The following NREP variants were observed in gnomAD, a reference collection of about 807,000 sequenced individuals.
NREP encodes neuronal regeneration related protein.
In NREP, 5 loss-of-function variants were observed where a neutral mutation model predicts 8.6. The ratio of observed to expected loss-of-function variants is 0.58; its 90% CI spans 0.30 to 1.22. The LOEUF is 1.22. NREP is among the 50% of genes most tolerant of loss of function. The pLI is 0.07. For missense variants in NREP, 86 were observed against 82.5 expected (o/e 1.04, Z -0.17); for synonymous variants, 27 against 28.0 (o/e 0.96, Z 0.11).
intron 2 of NREP, among the ~76,000 whole-genome samples, chr5:111,970,757 C>T (rs1028032107): frequency 1.6e-5 from 2 of 127,742 alleles, no homozygotes. Context: ...ACCCAGGAGG[C>T]GGAGGTTGCA....
upstream of NREP, among the ~76,000 whole-genome samples, chr5:111,758,562 T>C (rs1236775642): frequency 1.3e-5 from 2 of 152,234 alleles, no homozygotes; most frequent in Non-Finnish European, 2.9e-5. Flanking sequence ...CAGGAGAAGA[T>C]TATTTCCTAA....
intron 2 of NREP, among the ~76,000 whole-genome samples, chr5:111,754,440 G>T (rs566114138): frequency 2.2e-4 from 33 of 152,298 alleles, no homozygotes; most frequent in African/African-American, 7.9e-4. Flanking sequence ...ACAGAAAGTA[G>T]GTAACGTTCT....
intron 2 of NREP, among the ~76,000 whole-genome samples, chr5:111,737,983 C>A (rs796420114): frequency 5.9e-5 from 9 of 152,178 alleles, no homozygotes; most frequent in African/African-American, 1.9e-4. Flanking sequence ...GTTTTCCAAT[C>A]TCCTTCAAAG....
At position 111,730,473 on chromosome 5, in the gene NREP, T is replaced by C. The variant is rs1040541807; in HGVS notation, c.*448A>G. Reference sequence around the variant, plus strand: ...ATCAAAAGAGTACATGGATAAAATATAGAGATATACAGACAATTGATGAAC... The same window carrying C: ...ATCAAAAGAGTACATGGATAAAATACAGAGATATACAGACAATTGATGAAC... On this transcript the variant is annotated 3_prime_UTR_variant, in exon 4 of 4. Transcript: ENST00000257435. 2.0e-5 allele frequency: 3 copies of C among 151,154 alleles called. No individual in the cohort carries two copies. The highest frequency in any genetic ancestry group is 7.4e-5 in the African/African-American group (3 of 40,450). The allele number at this position is 151,154 out of a possible 1,614,324, so 9.4% of individuals were successfully genotyped here. A position where few individuals can be genotyped will look rare whatever the true frequency, so the allele number is the denominator to read the frequency against.
At chr5:111,928,606 C>G (rs1418136827) in intron 2 of NREP, among the ~76,000 whole-genome samples, 1 of 152,056 alleles carries the variant, frequency 6.6e-6, no homozygotes, top group African/African-American at 2.4e-5. Context: ...TCTACTGGAG[C>G]CTCTCTTTGT....
At chr5:111,880,296 T>A (rs577298694) in intron 2 of NREP, among the ~76,000 whole-genome samples, 1 of 152,170 alleles carries the variant, frequency 6.6e-6, no homozygotes, top group Non-Finnish European at 1.5e-5. Context: ...TGTGTCTAAG[T>A]GGGTAGAATA....
intron 2 of NREP, among the ~76,000 whole-genome samples, chr5:111,884,248 C>T (rs1265406222): frequency 6.6e-6 from 1 of 151,502 alleles, no homozygotes; most frequent in Non-Finnish European, 1.5e-5. Context: ...TTCCTCGACA[C>T]ATACACTCTC....
In NREP at chr5:111,932,264, A is replaced by G. The variant is rs562125312; in HGVS notation, c.135+43010T>C. Among the ~76,000 whole-genome samples the G allele has an allele frequency of 7.2e-5, 11 of 152,222 alleles. 1 individual carries two copies. Among genetic ancestry groups the G allele is most frequent in the African/African-American group, 2.6e-4 (11 of 41,560 alleles). ...TACCTATGAGCATTTCTTGGGGCATAAATGTTGTACCAAACACATGGAAAT... is the reference window on the plus strand; with the variant it reads ...TACCTATGAGCATTTCTTGGGGCATGAATGTTGTACCAAACACATGGAAAT... On this transcript the variant is annotated intron_variant, in intron 2 of 3. Transcript: ENST00000395634.
chr5:111,896,817 A>G (rs1255320103), intron 2 of NREP, among the ~76,000 whole-genome samples: 2 of 152,188 alleles, frequency 1.3e-5, no homozygotes, highest in African/African-American at 4.8e-5. Flanking sequence ...AATTGAATGT[A>G]AATCTATTAG....
intron 2 of NREP, among the ~76,000 whole-genome samples, chr5:111,796,696 G>C (rs1249324315): frequency 1.3e-5 from 2 of 152,108 alleles, no homozygotes; most frequent in East Asian, 3.9e-4. Flanking sequence ...AGTGCTAATA[G>C]ATAACTCATT....
intron 2 of NREP, among the ~76,000 whole-genome samples, chr5:111,862,121 T>C (rs751978492): frequency 3.9e-5 from 6 of 152,298 alleles, no homozygotes; most frequent in Admixed American, 2.0e-4. Flanking sequence ...AAAACCTCCA[T>C]TGGGAGTAGA....
In NREP at chr5:111,976,747, C is replaced by T. The variant is rs376676573; in HGVS notation, c.-8G>A. 27 of 1,550,526 alleles carry T rather than the reference C, an allele frequency of 1.7e-5. No homozygotes were observed. The African/African-American group carries it at 3.0e-4, about 17-fold the overall frequency. On this transcript the variant is annotated 5_prime_UTR_variant, in exon 1 of 4. Coordinates refer to the NREP transcript ENST00000395634. ...ATTCCAAACTCCTTTCATTCCAGTC[C>T]TGTTACTGCTTGAGGATAAAGTTCA...
At chr5:111,758,007 G>A, upstream of NREP, 1 of 985,554 alleles carries the variant, frequency 1.0e-6, no homozygotes, top group Non-Finnish European at 1.2e-6. Context: ...TTCCTTTTAT[G>A]TGCCTGTCCT....
At chr5:111,942,479 T>C (rs10059738) in intron 2 of NREP, among the ~76,000 whole-genome samples, 79,823 of 151,768 alleles carry the variant, frequency 0.53, 21,803 homozygotes, top group South Asian at 0.65. Flanking sequence ...ATCTGCAACA[T>C]TGCAGGTGTC....
intron 2 of NREP, among the ~76,000 whole-genome samples, chr5:111,896,908 C>T (rs2112541849): frequency 6.6e-6 from 1 of 152,240 alleles, no homozygotes; most frequent in Admixed American, 6.5e-5. Context: ...TCCTTAGTCC[C>T]AGACAGCTCA....
intron 3 of NREP, among the ~76,000 whole-genome samples, chr5:111,731,335 T>C (rs960428214): frequency 1.3e-5 from 2 of 151,690 alleles, no homozygotes; most frequent in African/African-American, 4.8e-5. Context: ...CATTCCCCAG[T>C]GTCAGGTTTC....
At chr5:111,959,522 G>A (rs17496580) in intron 2 of NREP, among the ~76,000 whole-genome samples, 1 of 151,928 alleles carries the variant, frequency 6.6e-6, no homozygotes, top group Non-Finnish European at 1.5e-5. Flanking sequence ...CAGCATTGAA[G>A]AGCGTTTAGA....
intron 2 of NREP, among the ~76,000 whole-genome samples, chr5:111,855,810 C>G (rs1753413646): frequency 1.3e-5 from 2 of 152,128 alleles, no homozygotes; most frequent in African/African-American, 2.4e-5. Context: ...GGGCCAACCT[C>G]CCCAATAATA....
At chr5:111,898,774 C>T (rs1754573724) in intron 2 of NREP, among the ~76,000 whole-genome samples, 1 of 152,178 alleles carries the variant, frequency 6.6e-6, no homozygotes, top group African/African-American at 2.4e-5. Context: ...CCAAAGAACT[C>T]TTCTCCAAGG....
Sources: gnomAD v4.1 joint callset for allele counts (sites outside exome capture counted in the v4.1 genomes callset) on GRCh38, gnomAD v4.1.1 for gene constraint, MANE v1.5 for transcripts, NCBI Gene and HGNC (gene_info 2026-07-23, HGNC 2026-07-21) for gene names.